Variants in TBX4 observed in about 807,000 individuals in gnomAD.
The protein encoded by TBX4 is T-box transcription factor TBX4.
TBX4 carries 13 observed loss-of-function variants against 54.6 expected under a neutral mutation model. The ratio of observed to expected loss-of-function variants is 0.24; its 90% CI spans 0.15 to 0.38. The LOEUF (loss-of-function observed/expected upper bound fraction) is 0.38. Among genes scored for constraint, TBX4 ranks in the 10% least tolerant of loss-of-function variants. The pLI is 1.00. For synonymous variants in TBX4, 314 were observed against 306.7 expected (o/e 1.02, Z -0.25); for missense variants, 631 against 728.5 (o/e 0.87, Z 1.54).
At position 61,456,662 on chromosome 17, in the gene TBX4, G is replaced by A. The variant is rs575407008; in HGVS notation, c.172G>A (p.Ala58Thr). The change falls in exon 2 of 9, where the codon GCC (alanine) becomes ACC (threonine). Residue 58 changes from alanine to threonine, a missense_variant. Transcript: ENST00000644296. ...PGPGADVVAA[A>T]AAEQTIENIK... ...ACCCGGGGCCGACGTCGTCGCCGCCGCCGCCGCGGAGCAGGTAGGGCTGCG... is the reference window on the plus strand; with the variant it reads ...ACCCGGGGCCGACGTCGTCGCCGCCACCGCCGCGGAGCAGGTAGGGCTGCG... The A allele has an allele frequency of 6.1e-5, 83 of 1,353,970 alleles. No homozygotes were observed. In the South Asian group the frequency reaches 1.4e-3, roughly 23 times the overall value. The allele number at this position is 1,353,970 out of a possible 1,614,324, so 83.9% of individuals were successfully genotyped here. A position where few individuals can be genotyped will look rare whatever the true frequency, so the allele number is the denominator to read the frequency against.
Position 61,479,934 on chromosome 17 carries a change from T to G in TBX4, c.756T>G (p.Ser252Arg), listed in dbSNP as rs1454519176. 2.5e-6 allele frequency: 4 copies of G among 1,613,900 alleles called. No individual in the cohort carries two copies. The highest frequency in any genetic ancestry group is 3.4e-6 in the Non-Finnish European group (4 of 1,179,990). Residue 252 changes from serine to arginine, a missense_variant, in exon 7 of 9, where the codon AGT (serine) becomes AGG (arginine). Ser to Arg is a moderately radical substitution (Grantham distance 110). Around this residue, in one of 3 missense-constraint regions of TBX4, gnomAD observed 154 missense variants for 238.6 expected, o/e 0.65. Transcript: ENST00000644296. This position sits in a 1 kb window ranked among gnomAD's most constrained non-coding sequence, Gnocchi z 6.1. ...NNPFAKGFRG[S>R]DDSDLRVARL... ...CTTTTGCCAAGGGATTCCGGGGCAG[T>G]GATGACAGTGACCTGCGTGTGGCCC...
At chr17:61,470,588 A>G (rs2060569828) in intron 5 of TBX4, among the ~76,000 whole-genome samples, 1 of 151,720 alleles carries the variant, frequency 6.6e-6, no homozygotes, top group African/African-American at 2.4e-5. Context: ...GGAATTTTCC[A>G]GTCTGAACCT....
Position 61,474,897 on chromosome 17 carries a change from C to A in TBX4, c.550-3730C>A, listed in dbSNP as rs1263693286. Reference sequence around the variant, plus strand: ...GTCTTGGCTCAATGGGTGGGACTTTCTTCCAGATACCTGTCCAGGTTCTAG... The same window carrying A: ...GTCTTGGCTCAATGGGTGGGACTTTATTCCAGATACCTGTCCAGGTTCTAG... On this transcript the variant is annotated intron_variant, in intron 5 of 8. Transcript: ENST00000644296. This position sits in a 1 kb window ranked among gnomAD's most constrained non-coding sequence, Gnocchi z 4.6. 6.6e-6 allele frequency among the ~76,000 whole-genome samples: 1 copy of A among 152,236 alleles called. No homozygotes were observed. The highest frequency in any genetic ancestry group is 1.9e-4 in the East Asian group (1 of 5,200).
intron 3 of TBX4, among the ~76,000 whole-genome samples, chr17:61,458,709 C>T (rs2060472507): frequency 6.6e-6 from 1 of 152,198 alleles, no homozygotes; most frequent in African/African-American, 2.4e-5. Context: ...TTGCCTCATA[C>T]ATTGTATGTA....
At position 61,465,010 on chromosome 17, in the gene TBX4, T is replaced by C. The variant is rs1354253090; in HGVS notation, c.282-809T>C. 3.9e-5 allele frequency among the ~76,000 whole-genome samples: 6 copies of C among 152,304 alleles called. No individual in the cohort carries two copies. Among genetic ancestry groups the C allele is most frequent in the Admixed American group, 2.0e-4 (3 of 15,302 alleles). On this transcript the variant is annotated intron_variant, in intron 3 of 8. Coordinates refer to ENST00000644296, the MANE Select transcript of TBX4 (RefSeq NM_001321120.2). This position sits in a 1 kb window ranked among gnomAD's most constrained non-coding sequence, Gnocchi z 4.9. ...CAGCAATCTATGAGATAGGTGGTAATGTTATCCTCATTTTAGAGATAAGGA... is the reference window on the plus strand; with the variant it reads ...CAGCAATCTATGAGATAGGTGGTAACGTTATCCTCATTTTAGAGATAAGGA...
At chr17:61,454,392 C>A (rs569522834) in intron 1 of TBX4, among the ~76,000 whole-genome samples, 1 of 152,380 alleles carries the variant, frequency 6.6e-6, no homozygotes, top group East Asian at 1.9e-4. Flanking sequence ...GCGGGCCGCA[C>A]CCGCGGAGGA....
At position 61,465,955 on chromosome 17, in the gene TBX4, C is replaced by T. The variant is rs754241531; in HGVS notation, c.401+17C>T. 67 of 1,613,366 alleles carry T rather than the reference C, an allele frequency of 4.2e-5. No homozygotes were observed. Among genetic ancestry groups the T allele is most frequent in the Admixed American group, 1.0e-4 (6 of 59,990 alleles). ...CAACAAATGGTAAGTGGACCCTGAC[C>T]GCATCACCCACGTTCCCTCAACTGC... On this transcript the variant is annotated intron_variant, in intron 4 of 8. Transcript: ENST00000644296. This position sits in a 1 kb window ranked among gnomAD's most constrained non-coding sequence, Gnocchi z 4.9.
Position 61,457,040 on chromosome 17 carries a change from C to T in TBX4, c.186+364C>T, listed in dbSNP as rs1049346848. 3.9e-5 allele frequency among the ~76,000 whole-genome samples: 6 copies of T among 152,196 alleles called. No homozygotes were observed. The highest frequency in any genetic ancestry group is 1.2e-4 in the African/African-American group (5 of 41,466). On this transcript the variant is annotated intron_variant, in intron 2 of 8. Transcript: ENST00000644296. The surrounding 1 kb of genome is among the most constrained non-coding windows in gnomAD (Gnocchi z 8.2). ...ACGGCGAGGGGGCAGGAGGAGGCCA[C>T]CCCGCCGGTGCGCACGGGAGCCGCT...
intron 5 of TBX4, among the ~76,000 whole-genome samples, chr17:61,471,901 T>TA (rs2060581700): frequency 9.0e-6 from 1 of 111,588 alleles, no homozygotes; most frequent in Non-Finnish European, 1.9e-5. Flanking sequence ...AATTTTTTTT[T>TA]TTTTTTTTTT....
intron 5 of TBX4, among the ~76,000 whole-genome samples, chr17:61,468,337 G>T (rs2060550717): frequency 6.6e-6 from 1 of 152,206 alleles, no homozygotes; most frequent in Non-Finnish European, 1.5e-5. Context: ...CCACAAAAAA[G>T]AGATTTTTAT....
chr17:61,473,744 T>C (rs9909742), intron 5 of TBX4, among the ~76,000 whole-genome samples: 4,067 of 152,336 alleles, frequency 0.027, 197 homozygotes, highest in African/African-American at 0.092. Context: ...CCTGTTAAAA[T>C]AAGGGCAATA....
Position 61,457,699 on chromosome 17 carries a change from G to A in TBX4, c.281+68G>A. 6.7e-7 allele frequency: 1 copy of A among 1,490,772 alleles called. No homozygotes were observed. Among genetic ancestry groups the A allele is most frequent in the Non-Finnish European group, 9.3e-7 (1 of 1,075,006 alleles). 92.3% of individuals were successfully genotyped at this position (1,490,772 alleles called of 1,614,324 possible). A position where few individuals can be genotyped will look rare whatever the true frequency, so the allele number is the denominator to read the frequency against. ...CAAGGGGGGCCAGGGAGGTCCCTTA[G>A]AAGTCCTCTCGGCCCCGGCCTGGTG... On this transcript the variant is annotated intron_variant, in intron 3 of 8. Coordinates refer to ENST00000644296, the MANE Select transcript of TBX4 (RefSeq NM_001321120.2). The surrounding 1 kb of genome is among the most constrained non-coding windows in gnomAD (Gnocchi z 8.2).
Position 61,465,481 on chromosome 17 carries a change from TG to T in TBX4, c.282-334del, listed in dbSNP as rs1332157912. 1.3e-5 allele frequency among the ~76,000 whole-genome samples: 2 copies of T among 152,230 alleles called. No individual in the cohort carries two copies. The highest frequency in any genetic ancestry group is 4.8e-5 in the African/African-American group (2 of 41,458). ...CAGAATCTGCTCCCACAATCCTGAC[TG>T]GGGTCTCTGTGCTTCAGCTGCTCAT... On this transcript the variant is annotated intron_variant, in intron 3 of 8. Coordinates refer to ENST00000644296, the MANE Select transcript of TBX4 (RefSeq NM_001321120.2). This position sits in a 1 kb window ranked among gnomAD's most constrained non-coding sequence, Gnocchi z 4.9.
At position 61,465,678 on chromosome 17, in the gene TBX4, G is replaced by C; in HGVS notation, c.282-141G>C. ...GGCAGAGGGGGAAGTGAGTTGTGCA[G>C]GTCACACAGCTGTGACCAATGCCAG... On this transcript the variant is annotated intron_variant, in intron 3 of 8. Transcript: ENST00000644296. This position sits in a 1 kb window ranked among gnomAD's most constrained non-coding sequence, Gnocchi z 4.9. 8.9e-7 allele frequency: 1 copy of C among 1,121,294 alleles called. No individual in the cohort carries two copies. 69.5% of individuals were successfully genotyped at this position (1,121,294 alleles called of 1,614,324 possible). A position where few individuals can be genotyped will look rare whatever the true frequency, so the allele number is the denominator to read the frequency against.
Position 61,482,423 on chromosome 17 carries a change from C to T in TBX4, c.1022-474C>T, listed in dbSNP as rs3785820. On this transcript the variant is annotated intron_variant, in intron 8 of 8. Transcript: ENST00000644296. ...AACATGCCTACAAGTGGCTTTGGCTCCCTGAGGTCTTCCTGGGAGCTGAGG... is the reference window on the plus strand; with the variant it reads ...AACATGCCTACAAGTGGCTTTGGCTTCCTGAGGTCTTCCTGGGAGCTGAGG... 1.8e-4 allele frequency among the ~76,000 whole-genome samples: 27 copies of T among 152,326 alleles called. No homozygotes were observed. The East Asian group carries it at 5.2e-3, about 29-fold the overall frequency.
rs548614308 is a variant in TBX4 at position 61,480,402 on chromosome 17, C to G, written c.1021+83C>G. On this transcript the variant is annotated intron_variant, in intron 8 of 8. Transcript: ENST00000644296. This position sits in a 1 kb window ranked among gnomAD's most constrained non-coding sequence, Gnocchi z 6.2. ...CGAAACCACTCTGCAGCGCCCCCCCCCCCAACACACACACACTCATCTCGT... is the reference window on the plus strand; with the variant it reads ...CGAAACCACTCTGCAGCGCCCCCCCGCCCAACACACACACACTCATCTCGT... The G allele has an allele frequency of 4.3e-3, 4,825 of 1,118,286 alleles. 39 individuals are homozygous for G. Among genetic ancestry groups the G allele is most frequent in the Non-Finnish European group, 5.6e-3 (4,289 of 767,576 alleles). 69.3% of individuals were successfully genotyped at this position (1,118,286 alleles called of 1,614,324 possible). A position where few individuals can be genotyped will look rare whatever the true frequency, so the allele number is the denominator to read the frequency against.
In TBX4 at chr17:61,485,028, A is replaced by T. The variant is rs941143990; in HGVS notation, c.*1512A>T. ...TAGAAAACACATTAGCTAACAGGTGATATGGAACTTCAAGTGTTTTGTTAT... is the reference window on the plus strand; with the variant it reads ...TAGAAAACACATTAGCTAACAGGTGTTATGGAACTTCAAGTGTTTTGTTAT... On this transcript the variant is annotated 3_prime_UTR_variant, in exon 9 of 9. Transcript: ENST00000644296. This position sits in a 1 kb window ranked among gnomAD's most constrained non-coding sequence, Gnocchi z 4.6. 6.6e-6 allele frequency: 1 copy of T among 151,478 alleles called. No individual in the cohort carries two copies. The highest frequency in any genetic ancestry group is 2.4e-5 in the African/African-American group (1 of 41,274). The allele number at this position is 151,478 out of a possible 1,614,324, so 9.4% of individuals were successfully genotyped here.
At chr17:61,477,334 A>T (rs566755687) in intron 5 of TBX4, among the ~76,000 whole-genome samples, 1 of 152,224 alleles carries the variant, frequency 6.6e-6, no homozygotes, top group Admixed American at 6.5e-5. Context: ...CAAATGAAGC[A>T]GGTTTGGAGC....
Position 61,479,748 on chromosome 17 carries a change from G to A in TBX4, c.703-133G>A, listed in dbSNP as rs895769832. 1.1e-6 allele frequency: 1 copy of A among 914,124 alleles called. No homozygotes were observed. The highest frequency in any genetic ancestry group is 1.8e-6 in the Non-Finnish European group (1 of 558,748). The allele number at this position is 914,124 out of a possible 1,614,324, so 56.6% of individuals were successfully genotyped here. A position where few individuals can be genotyped will look rare whatever the true frequency, so the allele number is the denominator to read the frequency against. On this transcript the variant is annotated intron_variant, in intron 6 of 8. Coordinates refer to ENST00000644296, the MANE Select transcript of TBX4 (RefSeq NM_001321120.2). This position sits in a 1 kb window ranked among gnomAD's most constrained non-coding sequence, Gnocchi z 6.1. ...CCCACCCTCCTCCCCAAGGAGGGTA[G>A]TGAGAAGCGGTGAGGCTGGAGAGCG...
Sources: allele counts gnomAD v4.1 joint callset (sites outside exome capture counted in the v4.1 genomes callset), GRCh38; gene constraint gnomAD v4.1.1; regional missense constraint gnomAD v4.1.1; non-coding constraint Gnocchi (gnomAD v3.1); transcripts MANE v1.5; gene names NCBI Gene and HGNC (gene_info 2026-07-23, HGNC 2026-07-21).